GADL1: variants seen among roughly 807,000 people sequenced by gnomAD.
The protein encoded by GADL1 is GAD like acidic amino acid decarboxylase 1, also known as acidic amino acid decarboxylase GADL1.
A neutral mutation model predicts 69.5 loss-of-function variants in GADL1; 71 were observed. The observed-to-expected ratio is 1.02, with a 90% CI of 0.84 to 1.25. The LOEUF (loss-of-function observed/expected upper bound fraction) is 1.25, where lower values mean the gene tolerates loss of function less well. Ranked by LOEUF, GADL1 falls within the 50% of genes most tolerant of loss-of-function variation. The probability of loss-of-function intolerance (pLI) is 0.00; values close to 1 mark genes in which losing one functional copy is unlikely to be tolerated. For synonymous variants in GADL1, 254 were observed against 214.4 expected (o/e 1.18, Z -1.62); for missense variants, 737 against 631.8 (o/e 1.17, Z -1.79).
chr3:30,827,186 T>C (rs1281904743), intron 11 of GADL1, among the ~76,000 whole-genome samples: 1 of 151,808 alleles, frequency 6.6e-6, no homozygotes, highest in Admixed American at 6.6e-5. Context: ...ATTTTTTAAT[T>C]GAGAATTAAC....
chr3:30,789,097 C>T (rs947017488), intron 12 of GADL1, among the ~76,000 whole-genome samples: 6 of 152,182 alleles, frequency 3.9e-5, no homozygotes, highest in Non-Finnish European at 8.8e-5. Flanking sequence ...CCAGATCTAT[C>T]AGAGGAATCA....
At chr3:30,737,608 T>G (rs1183903640) in intron 14 of GADL1, among the ~76,000 whole-genome samples, 1 of 152,148 alleles carries the variant, frequency 6.6e-6, no homozygotes, top group African/African-American at 2.4e-5. Context: ...AATTTAGAGG[T>G]AAAATGCATT....
rs568708044 is a variant in GADL1, at chr3:30,863,565, C to T, written c.38-1800G>A. Among the ~76,000 whole-genome samples, 109 of 152,068 alleles carry T rather than the reference C, an allele frequency of 7.2e-4. 1 individual carries two copies. Among genetic ancestry groups the T allele is most frequent in the African/African-American group, 2.4e-3 (99 of 41,540 alleles). ...TTTGATTCAATCACATTCTCTTTTT[C>T]TAATCAGTATGTTTCTCCACCTTAT... On this transcript the variant is annotated intron_variant, in intron 1 of 14. Transcript: ENST00000282538.
chr3:30,787,943 TTGTA>T (rs1696831856), intron 12 of GADL1, among the ~76,000 whole-genome samples: 1 of 152,088 alleles, frequency 6.6e-6, no homozygotes, highest in Admixed American at 6.5e-5. Context: ...ATATTGATGT[TTGTA>T]TATTTCAAAG....
In GADL1 at chr3:30,861,648, G is replaced by C. The variant is rs767395909; in HGVS notation, c.155C>G (p.Ala52Gly). The change falls in exon 2 of 15, where the codon GCC becomes GGC. Residue 52 changes from alanine to glycine, a missense_variant. By Grantham distance (60) the Ala-to-Gly change is moderately conservative (BLOSUM62 0). Transcript: ENST00000282538. ...CACCTCTTCCATTATTAGCCTACAG[G>C]CCTCTTCAACAAATTTTTCTCCAGC... The part of the protein sequence containing the change: ...AKAGEKFVEE[A>G]CRLIMEEVVL... The C allele has an allele frequency of 2.1e-5, 32 of 1,550,022 alleles. No individual in the cohort carries two copies. Among genetic ancestry groups the C allele is most frequent in the Middle Eastern group, 1.7e-4 (1 of 6,000 alleles).
intron 13 of GADL1, among the ~76,000 whole-genome samples, chr3:30,785,528 T>C (rs915512366): frequency 1.8e-4 from 27 of 152,038 alleles, no homozygotes; most frequent in Non-Finnish European, 3.7e-4. Context: ...ATTACAAGCA[T>C]GAGCCACCAC....
At chr3:30,818,911 T>G (rs946759849) in intron 11 of GADL1, among the ~76,000 whole-genome samples, 1 of 152,142 alleles carries the variant, frequency 6.6e-6, no homozygotes, top group African/African-American at 2.4e-5. Context: ...GAGGCCTGCT[T>G]CTTGCTTCAT....
At chr3:30,786,297 TACCACC>T in intron 13 of GADL1, 52 bp downstream of exon 13, 1 of 1,027,310 alleles carries the variant, frequency 9.7e-7, no homozygotes, top group Admixed American at 1.7e-5. Context: ...ATAAGAAAAT[TACCACC>T]TTCATCACTG....
intron 1 of GADL1, among the ~76,000 whole-genome samples, chr3:30,887,095 C>T (rs1698719596): frequency 6.6e-6 from 1 of 152,208 alleles, no homozygotes; most frequent in Admixed American, 6.5e-5. Context: ...AGTGCCTAGA[C>T]TTCAGTAACT....
chr3:30,801,121 A>G (rs1418148365), intron 11 of GADL1, 33 bp from the exon 12 acceptor site: 6 of 1,522,136 alleles, frequency 3.9e-6, no homozygotes, highest in Non-Finnish European at 4.5e-6. Context: ...AGACTGTTAA[A>G]CTTTAGAATA....
chr3:30,760,546 C>T (rs1281791581), intron 14 of GADL1, among the ~76,000 whole-genome samples: 3 of 152,142 alleles, frequency 2.0e-5, no homozygotes, highest in Admixed American at 2.0e-4. Context: ...TCTGTTTCCT[C>T]TTTCTCTTAC....
intron 1 of GADL1, among the ~76,000 whole-genome samples, chr3:30,878,551 A>G (rs1286291334): frequency 6.6e-6 from 1 of 151,934 alleles, no homozygotes; most frequent in Non-Finnish European, 1.5e-5. Context: ...GACATTTGAT[A>G]CCCATCTCTT....
intron 14 of GADL1, among the ~76,000 whole-genome samples, chr3:30,748,815 C>T (rs67843112): frequency 6.6e-6 from 1 of 152,048 alleles, no homozygotes; most frequent in Admixed American, 6.6e-5. Flanking sequence ...ATTTTGAATT[C>T]TTCTATATAA....
intron 14 of GADL1, among the ~76,000 whole-genome samples, chr3:30,739,816 G>A (rs1695590854): frequency 6.6e-6 from 1 of 152,082 alleles, no homozygotes; most frequent in African/African-American, 2.4e-5. Context: ...TAAGTATGAG[G>A]TGTTTGTTCC....
chr3:30,872,319 G>A (rs1394442326), intron 1 of GADL1, among the ~76,000 whole-genome samples: 1 of 151,872 alleles, frequency 6.6e-6, no homozygotes, highest in African/African-American at 2.4e-5. Flanking sequence ...CTCAGGAGCT[G>A]TATCTTCCTT....
At chr3:30,882,500 G>C (rs1433109383) in intron 1 of GADL1, among the ~76,000 whole-genome samples, 2 of 151,854 alleles carry the variant, frequency 1.3e-5, no homozygotes, top group African/African-American at 4.8e-5. Flanking sequence ...AGCACTGACA[G>C]AATTTCCTCC....
At chr3:30,826,670 T>A (rs1029733396) in intron 11 of GADL1, among the ~76,000 whole-genome samples, 7 of 151,872 alleles carry the variant, frequency 4.6e-5, no homozygotes. Flanking sequence ...ACTGGCAGAT[T>A]GTGAATGTCA....
intron 14 of GADL1, among the ~76,000 whole-genome samples, chr3:30,735,726 C>A (rs1695532770): frequency 6.6e-6 from 1 of 152,084 alleles, no homozygotes; most frequent in Admixed American, 6.6e-5. Flanking sequence ...CACCAGCAGA[C>A]AATAAATTCT....
chr3:30,879,094 G>T (rs1698612112), intron 1 of GADL1, among the ~76,000 whole-genome samples: 1 of 151,804 alleles, frequency 6.6e-6, no homozygotes, highest in African/African-American at 2.4e-5. Context: ...GTACTGACTG[G>T]TACCTTTGTC....
Sources: allele counts gnomAD v4.1 joint callset (sites outside exome capture counted in the v4.1 genomes callset), GRCh38; gene constraint gnomAD v4.1.1; transcripts MANE v1.5; gene names NCBI Gene and HGNC (gene_info 2026-07-23, HGNC 2026-07-21).